OPCML: variants seen among roughly 807,000 people sequenced by gnomAD.
OPCML encodes the protein opioid-binding protein/cell adhesion molecule.
OPCML carries 13 observed loss-of-function variants against 37.8 expected under a neutral mutation model. The observed-to-expected ratio is 0.34, with a 90% CI of 0.22 to 0.55. The LOEUF is 0.55. OPCML is among the 20% of genes least tolerant of loss of function. The pLI is 0.91. For missense variants in OPCML, 341 were observed against 435.6 expected (o/e 0.78, Z 1.93); for synonymous variants, 176 against 168.8 (o/e 1.04, Z -0.33).
In OPCML at chr11:132,437,269, T is replaced by C; in HGVS notation, c.596A>G (p.Asn199Ser). The change falls in exon 5 of 8, where the codon AAC (asparagine) becomes AGC (serine). Residue 199 changes from asparagine to serine, a missense_variant. By Grantham distance (46) the Asn-to-Ser change is conservative (BLOSUM62 1). Coordinates refer to ENST00000524381, the MANE Select transcript of OPCML (RefSeq NM_001012393.5). ...QSGEYECSAL[N>S]DVAAPDVRKV... is the part of the protein sequence containing the mutation. ...CCGCACATCGGGCGCAGCGACATCG[T>C]TCAACGCGCTGCATTCGTACTCCCC... The C allele has an allele frequency of 6.2e-7, 1 of 1,614,180 alleles. No individual in the cohort carries two copies. The highest frequency in any genetic ancestry group is 1.1e-5 in the South Asian group (1 of 91,090).
chr11:132,540,261 GTC>G (rs1045732612), intron 3 of OPCML, among the ~76,000 whole-genome samples: 22 of 152,100 alleles, frequency 1.4e-4, no homozygotes, highest in African/African-American at 5.3e-4. Flanking sequence ...TGTTTTCTAT[GTC>G]TCTCTCACTC....
chr11:133,150,674 C>A lies in OPCML; in HGVS notation c.62-207664G>T, dbSNP rs185454439. On this transcript the variant is annotated intron_variant, in intron 1 of 7. Transcript: ENST00000524381. ...CACCCCAGCACCCACTGTGCAGTGTCGGCAAAGGTGCCCTGGCATCTTACA... is the reference window on the plus strand; with the variant it reads ...CACCCCAGCACCCACTGTGCAGTGTAGGCAAAGGTGCCCTGGCATCTTACA... Among the ~76,000 whole-genome samples, 174 of 152,280 alleles carry A rather than the reference C, an allele frequency of 1.1e-3. 1 individual carries two copies. Among genetic ancestry groups the A allele is most frequent in the African/African-American group, 3.8e-3 (160 of 41,568 alleles).
At chr11:133,226,197 C>G (rs1940027727) in intron 1 of OPCML, among the ~76,000 whole-genome samples, 1 of 152,260 alleles carries the variant, frequency 6.6e-6, no homozygotes, top group African/African-American at 2.4e-5. Context: ...CCCTATGTCT[C>G]CACACCACCT....
intron 1 of OPCML, among the ~76,000 whole-genome samples, chr11:133,070,412 T>C (rs1386093727): frequency 6.6e-6 from 1 of 152,134 alleles, no homozygotes; most frequent in Non-Finnish European, 1.5e-5. Flanking sequence ...CCTGGTCCAT[T>C]TAGGCTCAAG....
At chr11:133,422,961 G>A (rs1324530145) in intron 1 of OPCML, 1 of 985,212 alleles carries the variant, frequency 1.0e-6, no homozygotes, top group Non-Finnish European at 1.2e-6. Context: ...CTGATGGCAT[G>A]TCATATAATG....
At chr11:132,992,020 T>G (rs1206451466) in intron 1 of OPCML, among the ~76,000 whole-genome samples, 1 of 152,190 alleles carries the variant, frequency 6.6e-6, no homozygotes, top group Non-Finnish European at 1.5e-5. Flanking sequence ...CTGTAACATT[T>G]GATCTCATGG....
At chr11:133,506,706 A>G (rs1036599122) in intron 1 of OPCML, among the ~76,000 whole-genome samples, 1 of 152,228 alleles carries the variant, frequency 6.6e-6, no homozygotes, top group Non-Finnish European at 1.5e-5. Flanking sequence ...TGCAGGAAAC[A>G]GTGCATGGTA....
chr11:132,746,439 G>A (rs1051669287), intron 2 of OPCML, among the ~76,000 whole-genome samples: 7 of 152,138 alleles, frequency 4.6e-5, no homozygotes, highest in South Asian at 4.1e-4. Context: ...TCTCATCGGC[G>A]TTTATACCCA....
intron 1 of OPCML, among the ~76,000 whole-genome samples, chr11:133,250,573 G>A (rs1261802085): frequency 6.6e-6 from 1 of 151,202 alleles, no homozygotes; most frequent in Non-Finnish European, 1.5e-5. Context: ...GGGAAGGAAG[G>A]AAGAAAATTA....
chr11:133,507,493 A>G (rs1305992962), intron 1 of OPCML, among the ~76,000 whole-genome samples: 1 of 152,196 alleles, frequency 6.6e-6, no homozygotes, highest in African/African-American at 2.4e-5. Flanking sequence ...TGCTTGCAAG[A>G]ACAGAGTTGA....
chr11:132,944,083 T>C (rs943832087), intron 1 of OPCML, among the ~76,000 whole-genome samples: 1 of 151,906 alleles, frequency 6.6e-6, no homozygotes, highest in African/African-American at 2.4e-5. Context: ...GGGCTGGGGA[T>C]GCCTGCGGGG....
At chr11:133,531,012 C>T (rs964440138) in intron 1 of OPCML, among the ~76,000 whole-genome samples, 4 of 152,166 alleles carry the variant, frequency 2.6e-5, no homozygotes, top group Non-Finnish European at 5.9e-5. Context: ...AAAATCTTAG[C>T]ATTCCTGTCT....
chr11:132,471,737 G>A (rs1406564565), intron 4 of OPCML, among the ~76,000 whole-genome samples: 3 of 152,202 alleles, frequency 2.0e-5, no homozygotes, highest in African/African-American at 7.2e-5. Context: ...CTTGGAGGCT[G>A]TCAACCACAC....
rs75891007 is a variant in OPCML at position 133,468,889 on chromosome 11, A to G, written c.61+63375T>C. On this transcript the variant is annotated intron_variant, in intron 1 of 7. Coordinates refer to ENST00000524381, the MANE Select transcript of OPCML (RefSeq NM_001012393.5). ...CCTGCAGGTGAGGGTAGAGAATATTATGGAAAAAAACAATTATTGATAATC... is the reference window on the plus strand; with the variant it reads ...CCTGCAGGTGAGGGTAGAGAATATTGTGGAAAAAAACAATTATTGATAATC... 1.2e-4 allele frequency among the ~76,000 whole-genome samples: 17 copies of G among 136,454 alleles called. 1 individual carries two copies. In the East Asian group the frequency reaches 3.6e-3, roughly 29 times the overall value. The allele number at this position is 136,454 out of a possible 152,430, so 89.5% of individuals were successfully genotyped here.
chr11:133,031,779 C>CT (rs1228737455), intron 1 of OPCML, among the ~76,000 whole-genome samples: 2 of 148,758 alleles, frequency 1.3e-5, no homozygotes, highest in Non-Finnish European at 2.9e-5. Context: ...AAAAAATTTT[C>CT]TCCCTTTCCT....
intron 3 of OPCML, among the ~76,000 whole-genome samples, chr11:132,563,725 G>A (rs1167857244): frequency 6.6e-6 from 1 of 151,926 alleles, no homozygotes; most frequent in East Asian, 1.9e-4. Flanking sequence ...ATCTGCAGAA[G>A]CCATTTTTAC....
chr11:133,249,656 C>T (rs1355236269), intron 1 of OPCML, among the ~76,000 whole-genome samples: 1 of 152,118 alleles, frequency 6.6e-6, no homozygotes, highest in Non-Finnish European at 1.5e-5. Flanking sequence ...ATCTATCTGA[C>T]TGTTGATATA....
chr11:132,674,489 C>T (rs917604124), intron 2 of OPCML, among the ~76,000 whole-genome samples: 1 of 152,080 alleles, frequency 6.6e-6, no homozygotes. Context: ...GTGGAAAGTT[C>T]GACTTGATCT....
intron 2 of OPCML, among the ~76,000 whole-genome samples, chr11:132,867,036 G>T (rs1229355308): frequency 6.6e-6 from 1 of 152,192 alleles, no homozygotes; most frequent in Non-Finnish European, 1.5e-5. Flanking sequence ...ACTTAGACTT[G>T]CTGAGGCCCT....
Sources: allele counts gnomAD v4.1 joint callset (sites outside exome capture counted in the v4.1 genomes callset), GRCh38; gene constraint gnomAD v4.1.1; transcripts MANE v1.5; gene names NCBI Gene and HGNC (gene_info 2026-07-23, HGNC 2026-07-21).